CWC27: variants seen among roughly 807,000 people sequenced by gnomAD.
CWC27 encodes the protein spliceosome-associated protein CWC27 homolog.
CWC27 carries 47 observed loss-of-function variants against 63.6 expected under a neutral mutation model. That is an observed-to-expected ratio of 0.74 (90% CI 0.58 to 0.94). The LOEUF (loss-of-function observed/expected upper bound fraction) is 0.94, where lower values mean the gene tolerates loss of function less well. Ranked by LOEUF, CWC27 falls within the 40% of genes least tolerant of loss-of-function variation. The pLI is 0.00. For synonymous variants in CWC27, 175 were observed against 179.8 expected (o/e 0.97, Z 0.22); for missense variants, 495 against 554.3 (o/e 0.89, Z 1.07).
At chr5:64,830,247 A>G (rs1745481917) in intron 10 of CWC27, among the ~76,000 whole-genome samples, 1 of 149,572 alleles carries the variant, frequency 6.7e-6, no homozygotes, top group South Asian at 2.1e-4. Context: ...TTCAAGTCCC[A>G]CCTATGAGTG....
intron 11 of CWC27, among the ~76,000 whole-genome samples, chr5:64,929,615 A>G (rs1233503587): frequency 1.3e-5 from 2 of 152,244 alleles, no homozygotes; most frequent in Non-Finnish European, 2.9e-5. Flanking sequence ...AATGCTCAGC[A>G]TCATTAGCGA....
At chr5:64,868,225 A>G (rs934825010) in intron 10 of CWC27, among the ~76,000 whole-genome samples, 12 of 152,096 alleles carry the variant, frequency 7.9e-5, no homozygotes, top group African/African-American at 2.9e-4. Context: ...GCTAACTGCA[A>G]CAATGAAAGA....
intron 11 of CWC27, among the ~76,000 whole-genome samples, chr5:64,954,048 A>C (rs914886327): frequency 3.9e-5 from 6 of 152,208 alleles, no homozygotes; most frequent in Admixed American, 2.6e-4. Flanking sequence ...ATATTTATCA[A>C]ATGTGAGATA....
chr5:64,943,474 A>C (rs922078866), intron 11 of CWC27, among the ~76,000 whole-genome samples: 1 of 152,178 alleles, frequency 6.6e-6, no homozygotes, highest in Admixed American at 6.5e-5. Context: ...CATTTACAAC[A>C]TGAAAGTATA....
intron 3 of CWC27, 78 bp from the exon 4 acceptor site, chr5:64,783,758 C>A: frequency 1.6e-6 from 2 of 1,228,822 alleles, no homozygotes; most frequent in African/African-American, 1.6e-5. Context: ...TTGTATGGGA[C>A]CTTGCAGGTC....
intron 11 of CWC27, among the ~76,000 whole-genome samples, chr5:64,931,862 T>A (rs1458934854): frequency 6.6e-6 from 1 of 152,146 alleles, no homozygotes; most frequent in Non-Finnish European, 1.5e-5. Context: ...ATATTTATTT[T>A]AAATGATTTA....
At position 64,935,752 on chromosome 5, in the gene CWC27, G is replaced by A. The variant is rs985264528; in HGVS notation, c.1043-35951G>A. 4.6e-5 allele frequency among the ~76,000 whole-genome samples: 7 copies of A among 151,696 alleles called. No individual in the cohort carries two copies. In the East Asian group the frequency reaches 5.8e-4, roughly 13 times the overall value. ...ATCCATGAGCATGGAATGTTTTTGCGTTTGTGTCCTCTCTTACTTCCTTGA... is the reference window on the plus strand; with the variant it reads ...ATCCATGAGCATGGAATGTTTTTGCATTTGTGTCCTCTCTTACTTCCTTGA... On this transcript the variant is annotated intron_variant, in intron 11 of 13. Coordinates refer to ENST00000381070, the MANE Select transcript of CWC27 (RefSeq NM_005869.4).
chr5:64,776,155 A>G (rs922558385), intron 2 of CWC27, among the ~76,000 whole-genome samples: 1 of 151,162 alleles, frequency 6.6e-6, no homozygotes, highest in East Asian at 1.9e-4. Flanking sequence ...CATTATTAAT[A>G]ATTGCTGTGG....
chr5:64,863,691 G>A (rs927149647), intron 10 of CWC27, among the ~76,000 whole-genome samples: 15 of 152,010 alleles, frequency 9.9e-5, no homozygotes, highest in African/African-American at 3.6e-4. Context: ...TCCTCACTAT[G>A]TTGCCCAGGC....
At chr5:64,849,630 A>C (rs935404839) in intron 10 of CWC27, among the ~76,000 whole-genome samples, 1 of 151,888 alleles carries the variant, frequency 6.6e-6, no homozygotes, top group African/African-American at 2.4e-5. Context: ...AGTCATTGAT[A>C]TGGTTTGGCT....
At chr5:64,897,606 G>A (rs2112359366) in intron 11 of CWC27, among the ~76,000 whole-genome samples, 1 of 152,258 alleles carries the variant, frequency 6.6e-6, no homozygotes, top group Middle Eastern at 3.4e-3. Flanking sequence ...TGGGGGATAA[G>A]GGGAGGGATA....
At chr5:64,851,825 G>C (rs566116448) in intron 10 of CWC27, among the ~76,000 whole-genome samples, 1 of 152,142 alleles carries the variant, frequency 6.6e-6, no homozygotes, top group East Asian at 1.9e-4. Context: ...CTTACTAAGT[G>C]CAAGGAAGTA....
At chr5:64,823,287 C>G (rs1745259092) in intron 10 of CWC27, among the ~76,000 whole-genome samples, 1 of 152,176 alleles carries the variant, frequency 6.6e-6, no homozygotes, top group African/African-American at 2.4e-5. Flanking sequence ...CATAGAGCAG[C>G]TCACTGTCTG....
chr5:64,868,957 C>A (rs1250818566), intron 10 of CWC27, among the ~76,000 whole-genome samples: 1 of 151,896 alleles, frequency 6.6e-6, no homozygotes, highest in African/African-American at 2.4e-5. Context: ...AAATAACATC[C>A]CTTTAGAATT....
intron 13 of CWC27, among the ~76,000 whole-genome samples, chr5:64,980,642 T>G (rs2112449955): frequency 6.6e-6 from 1 of 152,358 alleles, no homozygotes; most frequent in Non-Finnish European, 1.5e-5. Context: ...TATAATGGTC[T>G]GTCTGCCTTC....
At chr5:64,790,194 G>A (rs1419049586) in intron 7 of CWC27, among the ~76,000 whole-genome samples, 3 of 152,020 alleles carry the variant, frequency 2.0e-5, no homozygotes, top group African/African-American at 7.2e-5. Context: ...TAAACTCTAG[G>A]AGATAAGGCC....
chr5:64,787,086 C>T (rs1411903314), intron 6 of CWC27, among the ~76,000 whole-genome samples: 1 of 152,142 alleles, frequency 6.6e-6, no homozygotes, highest in Non-Finnish European at 1.5e-5. Flanking sequence ...CACTCAGTAT[C>T]ATGAGAACAG....
intron 11 of CWC27, among the ~76,000 whole-genome samples, chr5:64,893,929 C>CT (rs10548975): frequency 0.014 from 2,008 of 143,638 alleles, 37 homozygotes; most frequent in African/African-American, 0.048. Flanking sequence ...CCAATCCCTC[C>CT]TTTTTTTTTT....
chr5:64,933,126 T>G (rs1460541505), intron 11 of CWC27, among the ~76,000 whole-genome samples: 1 of 152,146 alleles, frequency 6.6e-6, no homozygotes, highest in Non-Finnish European at 1.5e-5. Context: ...AATGGAAGAT[T>G]TTTCAACTCT....
Sources: allele counts gnomAD v4.1 joint callset (sites outside exome capture counted in the v4.1 genomes callset), GRCh38; gene constraint gnomAD v4.1.1; transcripts MANE v1.5; gene names NCBI Gene and HGNC (gene_info 2026-07-23, HGNC 2026-07-21).